Variants in SRBD1 observed in about 807,000 individuals in gnomAD.
SRBD1 encodes S1 RNA binding domain 1, also known as S1 RNA-binding domain-containing protein 1.
Under a neutral mutation model 115.3 loss-of-function variants are expected in SRBD1, and 88 were observed. That is an observed-to-expected ratio of 0.76 (90% confidence interval 0.64 to 0.91). The LOEUF (loss-of-function observed/expected upper bound fraction) is 0.91. SRBD1 is among the 40% of genes least tolerant of loss of function. The probability of loss-of-function intolerance (pLI) is 0.00; values close to 1 mark genes in which losing one functional copy is unlikely to be tolerated. For synonymous variants in SRBD1, 509 were observed against 407.7 expected (o/e 1.25, Z -2.99); for missense variants, 1,385 against 1,177.4 (o/e 1.18, Z -2.58).
chr2:45,419,287 C>T (rs1475987002), intron 17 of SRBD1, among the ~76,000 whole-genome samples: 1 of 152,158 alleles, frequency 6.6e-6, no homozygotes, highest in Non-Finnish European at 1.5e-5. Context: ...AAAAAAGCAG[C>T]TCTTCTAAAA....
intron 14 of SRBD1, among the ~76,000 whole-genome samples, chr2:45,528,677 G>A (rs1032403835): frequency 2.0e-5 from 3 of 151,846 alleles, no homozygotes; most frequent in African/African-American, 7.2e-5. Flanking sequence ...TGAAGCTCCA[G>A]AAGTGGATGA....
intron 14 of SRBD1, among the ~76,000 whole-genome samples, chr2:45,508,586 A>G (rs2103916435): frequency 6.6e-6 from 1 of 152,302 alleles, no homozygotes; most frequent in Non-Finnish European, 1.5e-5. Flanking sequence ...ATATTATTGT[A>G]GTATATCACA....
intron 16 of SRBD1, among the ~76,000 whole-genome samples, chr2:45,431,792 A>C (rs1327746272): frequency 2.6e-5 from 4 of 152,116 alleles, no homozygotes; most frequent in Non-Finnish European, 5.9e-5. Flanking sequence ...AAAAACAAAA[A>C]CAAACCAGTA....
chr2:45,414,643 A>T (rs1226779132), intron 18 of SRBD1, among the ~76,000 whole-genome samples: 1 of 151,118 alleles, frequency 6.6e-6, no homozygotes, highest in Admixed American at 6.6e-5. Context: ...TATAGTGTGT[A>T]TATAGTATGC....
intron 16 of SRBD1, among the ~76,000 whole-genome samples, chr2:45,451,682 CTT>C (rs71898482): frequency 3.5e-5 from 5 of 144,124 alleles, no homozygotes; most frequent in Non-Finnish European, 4.6e-5. Context: ...ATCCTCCAAA[CTT>C]TTTTTTTTTT....
At chr2:45,574,212 A>T (rs1431073077) in intron 8 of SRBD1, among the ~76,000 whole-genome samples, 1 of 152,208 alleles carries the variant, frequency 6.6e-6, no homozygotes, top group African/African-American at 2.4e-5. Context: ...GATATTACAC[A>T]TTCTCAAGTA....
At chr2:45,588,423 T>TG (rs1449228514) in intron 4 of SRBD1, among the ~76,000 whole-genome samples, 40 of 152,298 alleles carry the variant, frequency 2.6e-4, no homozygotes, top group African/African-American at 8.9e-4. Context: ...GCTTGTTATC[T>TG]TCCCTGACCC....
intron 10 of SRBD1, among the ~76,000 whole-genome samples, chr2:45,561,196 A>C (rs1053621793): frequency 2.0e-5 from 3 of 152,264 alleles, no homozygotes; most frequent in Non-Finnish European, 4.4e-5. Flanking sequence ...TCATACTATA[A>C]ATAAATGCTA....
At chr2:45,552,891 G>A (rs1037807089) in intron 11 of SRBD1, among the ~76,000 whole-genome samples, 8 of 152,120 alleles carry the variant, frequency 5.3e-5, no homozygotes, top group Admixed American at 3.9e-4. Flanking sequence ...CCCTACATAG[G>A]CTGCTAAAAA....
intron 1 of SRBD1, among the ~76,000 whole-genome samples, chr2:45,606,157 C>CTTTTTTT (rs71394845): frequency 8.6e-6 from 1 of 116,768 alleles, no homozygotes; most frequent in Non-Finnish European, 1.8e-5. Context: ...TTTTCCTATT[C>CTTTTTTT]TTTTTTTTTT....
At chr2:45,474,902 T>C (rs1382397875) in intron 16 of SRBD1, among the ~76,000 whole-genome samples, 1 of 152,180 alleles carries the variant, frequency 6.6e-6, no homozygotes, top group African/African-American at 2.4e-5. Flanking sequence ...CTCATGGAAT[T>C]AGGAGTTCTG....
chr2:45,470,670 C>T (rs11685236), intron 16 of SRBD1, among the ~76,000 whole-genome samples: 4,163 of 152,278 alleles, frequency 0.027, 88 homozygotes, highest in Middle Eastern at 0.044. Flanking sequence ...CCACCATTCC[C>T]CACGTCCCAG....
rs117011760 is a variant in SRBD1, at chr2:45,577,463, G to A, written c.1072+2412C>T. On this transcript the variant is annotated intron_variant, in intron 7 of 20. Transcript: ENST00000263736. ...ACCTCCACACCTGTAAACAAAAACC[G>A]AAAGGCCAACATTTCTTTTCACTTT... 2.6e-4 allele frequency among the ~76,000 whole-genome samples: 40 copies of A among 152,212 alleles called. No homozygotes were observed. The East Asian group carries it at 5.2e-3, about 20-fold the overall frequency.
At chr2:45,509,989 C>T (rs1670918527) in intron 14 of SRBD1, among the ~76,000 whole-genome samples, 1 of 152,212 alleles carries the variant, frequency 6.6e-6, no homozygotes, top group African/African-American at 2.4e-5. Context: ...CTCACCTTGG[C>T]CTCCCAAAAT....
At chr2:45,514,015 A>T (rs982126564) in intron 14 of SRBD1, among the ~76,000 whole-genome samples, 3 of 152,172 alleles carry the variant, frequency 2.0e-5, no homozygotes, top group African/African-American at 7.2e-5. Context: ...TTAGTTTATC[A>T]GTTTTCAGTT....
At chr2:45,610,685 G>A (rs1244435819) in intron 1 of SRBD1, among the ~76,000 whole-genome samples, 1 of 152,178 alleles carries the variant, frequency 6.6e-6, no homozygotes, top group Non-Finnish European at 1.5e-5. Context: ...ACTACAGAAG[G>A]TGCAGTTGAT....
chr2:45,419,718 T>C, intron 17 of SRBD1, 70 bp downstream of exon 17: 2 of 1,385,840 alleles, frequency 1.4e-6, no homozygotes, highest in Non-Finnish European at 1.0e-6. Context: ...TCCCTTCTTC[T>C]AGCCGAGTTT....
chr2:45,584,186 C>G, intron 5 of SRBD1, among the ~76,000 whole-genome samples: 1 of 152,138 alleles, frequency 6.6e-6, no homozygotes, highest in Non-Finnish European at 1.5e-5. Flanking sequence ...CGTAAAAACT[C>G]AAATTACCAG....
intron 16 of SRBD1, among the ~76,000 whole-genome samples, chr2:45,428,577 A>AATAAATAAATAAATAC (rs1327021260): frequency 8.7e-5 from 11 of 125,832 alleles, no homozygotes; most frequent in African/African-American, 3.0e-4. Context: ...TAAATAAATA[A>AATAAATAAATAAATAC]ATAAATACAT....
Sources: allele counts gnomAD v4.1 joint callset (sites outside exome capture counted in the v4.1 genomes callset), GRCh38; gene constraint gnomAD v4.1.1; transcripts MANE v1.5; gene names NCBI Gene and HGNC (gene_info 2026-07-23, HGNC 2026-07-21).